LEPR: variants seen among roughly 807,000 people sequenced by gnomAD.
LEPR encodes the protein OB receptor.
Under a neutral mutation model 114.7 loss-of-function variants are expected in LEPR, and 56 were observed. The observed-to-expected ratio is 0.49, with a 90% confidence interval of 0.39 to 0.61. LEPR has a LOEUF of 0.61. Among genes scored for constraint, LEPR ranks in the 20% least tolerant of loss-of-function variants. LEPR has a pLI of 0.00. For missense variants in LEPR, 1,202 were observed against 1,352.9 expected (o/e 0.89, Z 1.75); for synonymous variants, 443 against 461.4 (o/e 0.96, Z 0.51).
chr1:65,422,487 C>T (rs1326697378), intron 1 of LEPR, among the ~76,000 whole-genome samples: 1 of 152,218 alleles, frequency 6.6e-6, no homozygotes, highest in Non-Finnish European at 1.5e-5. Flanking sequence ...CTGTTGTTCT[C>T]AGCCATCCAG....
At position 65,507,472 on chromosome 1, in the gene LEPR, T is replaced by C. The variant is rs1025054377; in HGVS notation, c.-20-58074T>C. ...GTGTGTGTGTGTGTATATATATATA[T>C]ACACATATATATGTATATATGTGTG... On this transcript the variant is annotated intron_variant, in intron 2 of 19. Coordinates refer to ENST00000349533, the MANE Select transcript of LEPR (RefSeq NM_002303.6). 7.2e-4 allele frequency among the ~76,000 whole-genome samples: 107 copies of C among 147,754 alleles called. 1 individual carries two copies. The highest frequency in any genetic ancestry group is 2.2e-3 in the African/African-American group (87 of 40,334).
chr1:65,623,864 C>G (rs1658034073), intron 19 of LEPR, among the ~76,000 whole-genome samples: 1 of 152,160 alleles, frequency 6.6e-6, no homozygotes, highest in Non-Finnish European at 1.5e-5. Context: ...ATCCCTGGGC[C>G]TTGATGATAC....
Position 65,636,803 on chromosome 1 carries a change from G to A in LEPR, c.3286G>A (p.Asp1096Asn). ...KKRESGVLLT[D>N]KSRVSCPFPA... The stretch of plus-strand genomic sequence containing the variant: ...GAGAGAGAGTGGTGTGCTTTTGACT[G>A]ACAAGTCAAGGGTATCGTGCCCATT... The change falls in exon 20 of 20, where the codon GAC becomes AAC. Residue 1096 changes from aspartate to asparagine, a missense_variant. Asp to Asn is a conservative substitution (Grantham distance 23, BLOSUM62 1). Coordinates refer to ENST00000349533, the MANE Select transcript of LEPR (RefSeq NM_002303.6). 6.2e-7 allele frequency: 1 copy of A among 1,614,012 alleles called. No homozygotes were observed. Among genetic ancestry groups the A allele is most frequent in the African/African-American group, 1.3e-5 (1 of 75,046 alleles).
At chr1:65,545,589 G>C (rs1651634317) in intron 2 of LEPR, among the ~76,000 whole-genome samples, 1 of 152,174 alleles carries the variant, frequency 6.6e-6, no homozygotes, top group African/African-American at 2.4e-5. Context: ...GTGTCTTTTG[G>C]CTACATAAAT....
intron 14 of LEPR, among the ~76,000 whole-genome samples, chr1:65,613,285 T>C (rs532974104): frequency 6.6e-6 from 1 of 151,986 alleles, no homozygotes; most frequent in Non-Finnish European, 1.5e-5. Context: ...CATTGTGGGG[T>C]TTTTTATTTT....
At chr1:65,477,193 T>G (rs1437521800) in intron 2 of LEPR, among the ~76,000 whole-genome samples, 1 of 152,206 alleles carries the variant, frequency 6.6e-6, no homozygotes, top group African/African-American at 2.4e-5. Context: ...ACTGCTTAAG[T>G]TTTCTCCAAA....
chr1:65,494,470 C>T (rs901613207), intron 2 of LEPR, among the ~76,000 whole-genome samples: 1 of 152,048 alleles, frequency 6.6e-6, no homozygotes, highest in African/African-American at 2.4e-5. Flanking sequence ...CTGCATTTTG[C>T]TTCTTTTGGC....
At chr1:65,567,409 A>C (rs1268159006) in intron 3 of LEPR, among the ~76,000 whole-genome samples, 1 of 152,202 alleles carries the variant, frequency 6.6e-6, no homozygotes, top group African/African-American at 2.4e-5. Context: ...TCAAAAAACT[A>C]TTCTGTTTTC....
chr1:65,621,507 A>C (rs191691958), intron 18 of LEPR, 49 bp downstream of exon 18: 1 of 1,482,312 alleles, frequency 6.7e-7, no homozygotes, highest in Non-Finnish European at 9.4e-7. Context: ...CCTTACGCGT[A>C]TTCAAACCCT....
intron 2 of LEPR, among the ~76,000 whole-genome samples, chr1:65,527,212 T>C (rs1426535217): frequency 6.6e-6 from 1 of 152,244 alleles, no homozygotes; most frequent in African/African-American, 2.4e-5. Context: ...AGCATAAAGT[T>C]GTGGGCAGAA....
At chr1:65,614,879 G>T (rs1657430541) in intron 14 of LEPR, among the ~76,000 whole-genome samples, 1 of 152,042 alleles carries the variant, frequency 6.6e-6, no homozygotes, top group Non-Finnish European at 1.5e-5. Flanking sequence ...ATAGAAACAA[G>T]GGCTATTGGA....
chr1:65,547,158 C>G lies in LEPR; in HGVS notation c.-20-18388C>G, dbSNP rs1193303517. On this transcript the variant is annotated intron_variant, in intron 2 of 19. Transcript: ENST00000349533. The stretch of plus-strand genomic sequence containing the variant: ...AGCCTTGCATCCCAGGGATGAAGCC[C>G]ACTTGATCATGGCGGATAAGCTTTT... 2.0e-5 allele frequency among the ~76,000 whole-genome samples: 3 copies of G among 151,270 alleles called. No individual in the cohort carries two copies. The East Asian group carries it at 5.8e-4, about 29-fold the overall frequency.
intron 5 of LEPR, among the ~76,000 whole-genome samples, chr1:65,589,762 G>A (rs1655564727): frequency 6.6e-6 from 1 of 151,832 alleles, no homozygotes; most frequent in South Asian, 2.1e-4. Flanking sequence ...ACTCTATTCT[G>A]GTCCATTCAT....
Position 65,572,290 on chromosome 1 carries a change from GTTTTTTTT to G in LEPR, c.371-16_371-9del, listed in dbSNP as rs747467075. ...ATGGTTTTTGAGATTTCATGTAGTT[GTTTTTTTT>G]TTTTTTTTTTTTTTTTTTTAAATTC... On this transcript the variant is annotated intron_variant, in intron 4 of 19. Coordinates refer to ENST00000349533, the MANE Select transcript of LEPR (RefSeq NM_002303.6). 29 of 798,538 alleles carry G rather than the reference GTTTTTTTT, an allele frequency of 3.6e-5. No homozygotes were observed. Among genetic ancestry groups the G allele is most frequent in the Admixed American group, 1.1e-4 (2 of 18,652 alleles). The allele number at this position is 798,538 out of a possible 1,614,324, so 49.5% of individuals were successfully genotyped here.
chr1:65,520,138 C>T (rs1295266266), intron 2 of LEPR, among the ~76,000 whole-genome samples: 4 of 152,186 alleles, frequency 2.6e-5, no homozygotes, highest in Non-Finnish European at 5.9e-5. Flanking sequence ...GCTGAGATTA[C>T]AGGCATGAGC....
At chr1:65,517,562 C>T (rs1015640352) in intron 2 of LEPR, among the ~76,000 whole-genome samples, 1 of 152,206 alleles carries the variant, frequency 6.6e-6, no homozygotes, top group Non-Finnish European at 1.5e-5. Context: ...TGGATCAACT[C>T]TATTGCGGAT....
At chr1:65,530,485 T>G (rs1225514190) in intron 2 of LEPR, among the ~76,000 whole-genome samples, 1 of 152,212 alleles carries the variant, frequency 6.6e-6, no homozygotes, top group Non-Finnish European at 1.5e-5. Context: ...GTCTGCTGGT[T>G]GCCCATTTTT....
At chr1:65,446,477 GC>G (rs1464429966) in intron 2 of LEPR, among the ~76,000 whole-genome samples, 3 of 152,144 alleles carry the variant, frequency 2.0e-5, no homozygotes, top group African/African-American at 7.2e-5. Context: ...GTGGGTTTTG[GC>G]CAGCTTCTTT....
rs116654756 is a variant in LEPR at position 65,468,261 on chromosome 1, G to T, written c.-21+42883G>T. Among the ~76,000 whole-genome samples the T allele has an allele frequency of 5.0e-3, 761 of 152,278 alleles. 8 individuals carry two copies. The highest frequency in any genetic ancestry group is 0.018 in the African/African-American group (733 of 41,542). On this transcript the variant is annotated intron_variant, in intron 2 of 19. Coordinates refer to ENST00000349533, the MANE Select transcript of LEPR (RefSeq NM_002303.6). The stretch of plus-strand genomic sequence containing the variant: ...GTAATGTGGTGTCCTGGATGGATCT[G>T]AGGAAGGGAAAGAGGATATTTGGTT...
Sources: gnomAD v4.1 joint callset for allele counts (sites outside exome capture counted in the v4.1 genomes callset) on GRCh38, gnomAD v4.1.1 for gene constraint, MANE v1.5 for transcripts, NCBI Gene and HGNC (gene_info 2026-07-23, HGNC 2026-07-21) for gene names.